Variants in LDLRAD3 observed in about 807,000 individuals in gnomAD.
The protein encoded by LDLRAD3 is low density lipoprotein receptor class A domain containing 3.
In LDLRAD3, 20 loss-of-function variants were observed where a neutral mutation model predicts 29.4. The observed-to-expected ratio is 0.68, with a 90% CI of 0.48 to 0.99. The LOEUF (loss-of-function observed/expected upper bound fraction) is 0.99. Ranked by LOEUF, LDLRAD3 falls within the 50% of genes least tolerant of loss-of-function variation. LDLRAD3 has a pLI of 0.00. For missense variants in LDLRAD3, 420 were observed against 454.3 expected (o/e 0.92, Z 0.69); for synonymous variants, 157 against 192.7 (o/e 0.81, Z 1.53).
intron 4 of LDLRAD3, among the ~76,000 whole-genome samples, chr11:36,198,582 C>A (rs1425302145): frequency 6.6e-6 from 1 of 152,242 alleles, no homozygotes; most frequent in East Asian, 1.9e-4. Flanking sequence ...CCCCATCCCA[C>A]TCCTGCCTCT....
intron 2 of LDLRAD3, among the ~76,000 whole-genome samples, chr11:36,037,773 C>T (rs1852323426): frequency 6.6e-6 from 1 of 152,216 alleles, no homozygotes; most frequent in African/African-American, 2.4e-5. Flanking sequence ...TCCCCAGTGC[C>T]TGCTCCTGCC....
intron 3 of LDLRAD3, among the ~76,000 whole-genome samples, chr11:36,093,811 G>A (rs951889279): frequency 6.6e-6 from 1 of 152,216 alleles, no homozygotes; most frequent in Admixed American, 6.5e-5. Context: ...GTGGAGAGGG[G>A]ATGCAGGGGT....
At chr11:36,187,867 A>G (rs1047476767) in intron 4 of LDLRAD3, among the ~76,000 whole-genome samples, 3 of 152,206 alleles carry the variant, frequency 2.0e-5, no homozygotes, top group Non-Finnish European at 4.4e-5. Context: ...ATAACGTTAG[A>G]TTGAATTTCA....
At chr11:35,995,876 G>A (rs939033999) in intron 1 of LDLRAD3, among the ~76,000 whole-genome samples, 26 of 152,166 alleles carry the variant, frequency 1.7e-4, no homozygotes, top group African/African-American at 5.5e-4. Flanking sequence ...TTCTCACCTC[G>A]TTAGCATTCT....
At chr11:36,126,983 G>A (rs1853847397) in intron 4 of LDLRAD3, among the ~76,000 whole-genome samples, 1 of 152,242 alleles carries the variant, frequency 6.6e-6, no homozygotes, top group African/African-American at 2.4e-5. Context: ...AATGTGAGCA[G>A]TGGTCATCCC....
Position 36,227,178 on chromosome 11 carries a change from T to C in LDLRAD3, c.548T>C (p.Phe183Ser), listed in dbSNP as rs1855510891. ...TYAIIGSSVI[F>S]VLVVALLALV... ...GCCATCATCGGCAGCTCCGTCATTTTTGTGCTGGTGGTGGCCCTGCTGGCA... is the reference window on the plus strand; with the variant it reads ...GCCATCATCGGCAGCTCCGTCATTTCTGTGCTGGTGGTGGCCCTGCTGGCA... Residue 183 changes from phenylalanine (F) to serine (S), a missense_variant, in exon 5 of 6, where the codon TTT becomes TCT. Phe to Ser is a radical substitution (Grantham distance 155, BLOSUM62 -2). Transcript: ENST00000315571. The C allele has an allele frequency of 6.2e-7, 1 of 1,614,046 alleles. No homozygotes were observed. Among genetic ancestry groups the C allele is most frequent in the Non-Finnish European group, 8.5e-7 (1 of 1,180,026 alleles).
chr11:36,159,953 C>T lies in LDLRAD3; in HGVS notation c.454+61492C>T, dbSNP rs554229205. On this transcript the variant is annotated intron_variant, in intron 4 of 5. Transcript: ENST00000315571. ...CGGCAACTCATCAGCAACACAGAGC[C>T]GCAGGGCTTTTGTTGGGACCCCCTT... Among the ~76,000 whole-genome samples the T allele has an allele frequency of 2.5e-4, 38 of 152,262 alleles. 1 individual carries two copies. The South Asian group carries it at 5.0e-3, about 20-fold the overall frequency.
At chr11:36,159,141 A>G (rs893617164) in intron 4 of LDLRAD3, among the ~76,000 whole-genome samples, 2 of 152,162 alleles carry the variant, frequency 1.3e-5, no homozygotes, top group African/African-American at 4.8e-5. Flanking sequence ...AGATAAGGAG[A>G]TAGTGACAGT....
chr11:35,975,038 C>T (rs1376552031), intron 1 of LDLRAD3, among the ~76,000 whole-genome samples: 1 of 152,208 alleles, frequency 6.6e-6, no homozygotes, highest in South Asian at 2.1e-4. Flanking sequence ...GGTGTGGAGC[C>T]TAACTCTGTC....
At chr11:36,123,875 A>G (rs992176254) in intron 4 of LDLRAD3, among the ~76,000 whole-genome samples, 1 of 152,218 alleles carries the variant, frequency 6.6e-6, no homozygotes, top group Non-Finnish European at 1.5e-5. Flanking sequence ...CCTTTTATTG[A>G]GTCTGCCTCC....
chr11:36,152,043 T>C (rs963530042), intron 4 of LDLRAD3, among the ~76,000 whole-genome samples: 1 of 147,826 alleles, frequency 6.8e-6, no homozygotes, highest in African/African-American at 2.7e-5. Context: ...CTGAGTGAGG[T>C]AAAAACTGGT....
chr11:35,993,263 G>T (rs1009391892), intron 1 of LDLRAD3, among the ~76,000 whole-genome samples: 2 of 152,206 alleles, frequency 1.3e-5, no homozygotes, highest in Non-Finnish European at 2.9e-5. Context: ...GCAAGGAATA[G>T]CCTCCTTATA....
At chr11:36,091,991 A>G (rs79825470) in intron 3 of LDLRAD3, among the ~76,000 whole-genome samples, 4,780 of 152,272 alleles carry the variant, frequency 0.031, 236 homozygotes, top group African/African-American at 0.11. Flanking sequence ...GAGGGTCTGG[A>G]AGAAATGTAG....
intron 4 of LDLRAD3, chr11:36,197,617 C>T (rs893117165): frequency 6.6e-6 from 1 of 152,384 alleles, no homozygotes; most frequent in African/African-American, 2.4e-5. Flanking sequence ...TGCTGTTGAT[C>T]TCATTACTGT....
At chr11:36,146,604 C>A (rs1379331631) in intron 4 of LDLRAD3, among the ~76,000 whole-genome samples, 1 of 152,074 alleles carries the variant, frequency 6.6e-6, no homozygotes, top group Non-Finnish European at 1.5e-5. Flanking sequence ...TCTGCGGACC[C>A]TGAGGGAAAA....
At chr11:36,227,553 G>C (rs1855518478) in intron 5 of LDLRAD3, 123 bp downstream of exon 5, 1 of 688,414 alleles carries the variant, frequency 1.5e-6, no homozygotes, top group Non-Finnish European at 2.3e-6. Context: ...ATAGGCAGTG[G>C]CAGCATCTGA....
intron 4 of LDLRAD3, among the ~76,000 whole-genome samples, chr11:36,191,768 C>T (rs1332596580): frequency 1.3e-5 from 2 of 151,682 alleles, no homozygotes; most frequent in African/African-American, 2.4e-5. Flanking sequence ...GAGGGGGAAA[C>T]TTTTGTTTTC....
intron 4 of LDLRAD3, among the ~76,000 whole-genome samples, chr11:36,110,814 G>A (rs1233558288): frequency 1.3e-5 from 2 of 152,230 alleles, no homozygotes; most frequent in Non-Finnish European, 2.9e-5. Flanking sequence ...AGAGGAATGA[G>A]CAGCATGCCG....
At chr11:36,083,863 A>G (rs1233869213) in intron 3 of LDLRAD3, among the ~76,000 whole-genome samples, 1 of 152,064 alleles carries the variant, frequency 6.6e-6, no homozygotes, top group Non-Finnish European at 1.5e-5. Context: ...CATCCTATAT[A>G]TTCCCTGCCA....
Sources: allele counts gnomAD v4.1 joint callset (sites outside exome capture counted in the v4.1 genomes callset), GRCh38; gene constraint gnomAD v4.1.1; transcripts MANE v1.5; gene names NCBI Gene and HGNC (gene_info 2026-07-23, HGNC 2026-07-21).